The following USP20 variants were observed in gnomAD, a reference collection of about 807,000 sequenced individuals.
USP20 encodes ubiquitin carboxyl-terminal hydrolase 20.
USP20 carries 80 observed loss-of-function variants against 124.2 expected under a neutral mutation model. That is an observed-to-expected ratio of 0.64 (90% confidence interval 0.54 to 0.78). The LOEUF (loss-of-function observed/expected upper bound fraction) is 0.78. USP20 is among the 30% of genes least tolerant of loss of function. The pLI is 0.00. For synonymous variants in USP20, 481 were observed against 512.3 expected (o/e 0.94, Z 0.83); for missense variants, 1,043 against 1,244.4 (o/e 0.84, Z 2.44).
intron 3 of USP20, among the ~76,000 whole-genome samples, chr9:129,853,750 G>T (rs1221892938): frequency 6.6e-6 from 1 of 152,150 alleles, no homozygotes; most frequent in African/African-American, 2.4e-5. Flanking sequence ...TCTGGTGCTG[G>T]GTTTCTCTCC....
Position 129,875,606 on chromosome 9 carries a change from C to G in USP20, c.2265C>G (p.Ile755Met). ...ACTACATCGACGACCTGGTGGTCAT[C>G]CTGCCCCAGAACGTCTGGGAGCACC... ...KYHYIDDLVV[I>M]LPQNVWEHLY... Residue 755 changes from isoleucine (I) to methionine (M), a missense_variant, in exon 21 of 26, where the codon ATC (isoleucine) becomes ATG (methionine). Coordinates refer to ENST00000372429, the MANE Select transcript of USP20 (RefSeq NM_001110303.4). 6.2e-7 allele frequency: 1 copy of G among 1,614,090 alleles called. No homozygotes were observed.
In USP20 at chr9:129,869,363, G is replaced by T. The variant is rs36055332; in HGVS notation, c.1330G>T (p.Val444Phe). 1 of 1,613,634 alleles carries T rather than the reference G, an allele frequency of 6.2e-7. No individual in the cohort carries two copies. The highest frequency in any genetic ancestry group is 1.1e-5 in the South Asian group (1 of 91,088). The change falls in exon 13 of 26, where the codon GTC (valine) becomes TTC (phenylalanine). Residue 444 changes from valine to phenylalanine, a missense_variant. Transcript: ENST00000372429. ...GCGGAAGGAGCAGCGCTACCGCAGCGTCATCTCAGACATCTTTGACGGCTC... is the reference window on the plus strand; with the variant it reads ...GCGGAAGGAGCAGCGCTACCGCAGCTTCATCTCAGACATCTTTGACGGCTC... ...RRRKEQRYRS[V>F]ISDIFDGSIL...
chr9:129,849,496 C>T (rs1227434169), intron 1 of USP20, among the ~76,000 whole-genome samples: 2 of 152,184 alleles, frequency 1.3e-5, no homozygotes, highest in Non-Finnish European at 2.9e-5. Context: ...CAGTGGCTCA[C>T]GCCTATAATC....
At chr9:129,863,001 G>A (rs1469289501) in intron 8 of USP20, among the ~76,000 whole-genome samples, 185 bp from the exon 9 acceptor site, 1 of 152,086 alleles carries the variant, frequency 6.6e-6, no homozygotes, top group Non-Finnish European at 1.5e-5. Context: ...CTTCGCAGAT[G>A]AATTTTGGAG....
intron 8 of USP20, among the ~76,000 whole-genome samples, chr9:129,862,634 C>T (rs1476510792): frequency 6.6e-6 from 1 of 150,670 alleles, no homozygotes; most frequent in African/African-American, 2.4e-5. Context: ...GGCTGGGCAC[C>T]GTGGCTTACG....
chr9:129,880,282 G>A lies in USP20; in HGVS notation c.*9G>A, dbSNP rs1455805067. On this transcript the variant is annotated 3_prime_UTR_variant, in exon 25 of 26. Transcript: ENST00000372429. ...AGACGCGGGCCGTGTGATCTGCTGG[G>A]CTAGTCTGTAAGTCGCCCCGGCTGG... 1.3e-6 allele frequency: 2 copies of A among 1,583,646 alleles called. No individual in the cohort carries two copies. Among genetic ancestry groups the A allele is most frequent in the Non-Finnish European group, 8.6e-7 (1 of 1,167,540 alleles).
At chr9:129,861,154 G>A in intron 7 of USP20, 121 bp downstream of exon 7, 3 of 951,512 alleles carry the variant, frequency 3.2e-6, no homozygotes, top group Non-Finnish European at 4.9e-6. Flanking sequence ...GAAGGATGGG[G>A]TGACGGATAA....
At chr9:129,843,478 G>A (rs1350587564) in intron 1 of USP20, among the ~76,000 whole-genome samples, 2 of 151,994 alleles carry the variant, frequency 1.3e-5, no homozygotes, top group South Asian at 2.1e-4. Flanking sequence ...ACTCACGCCT[G>A]TAATCCCAGC....
At chr9:129,874,263 G>A (rs906814730) in intron 17 of USP20, among the ~76,000 whole-genome samples, 13 of 152,220 alleles carry the variant, frequency 8.5e-5, no homozygotes, top group African/African-American at 3.1e-4. Flanking sequence ...AGAGGAGAGG[G>A]CCCTGGCAGA....
intron 22 of USP20, 148 bp from the exon 23 acceptor site, chr9:129,878,190 G>A: frequency 1.5e-6 from 1 of 665,702 alleles, no homozygotes; most frequent in Non-Finnish European, 2.7e-6. Context: ...GAGCTTGTCT[G>A]GGGGTTTGAT....
At chr9:129,869,964 C>A in intron 14 of USP20, 120 bp downstream of exon 14, 1 of 1,264,306 alleles carries the variant, frequency 7.9e-7, no homozygotes, top group Non-Finnish European at 1.1e-6. Flanking sequence ...CTGGGAGGAG[C>A]TGGGGGCCGA....
chr9:129,879,974 C>T lies in USP20; in HGVS notation c.2585-139C>T, dbSNP rs2034570257. On this transcript the variant is annotated intron_variant, in intron 24 of 25. Coordinates refer to ENST00000372429, the MANE Select transcript of USP20 (RefSeq NM_001110303.4). This position sits in a 1 kb window ranked among gnomAD's most constrained non-coding sequence, Gnocchi z 4.2. ...CATTCCTCTGGGAAATCCTGATTTC[C>T]ATCTGACAGCTTTGCATAGAAGCCC... is the stretch of plus-strand genomic sequence containing the variant. 5.7e-6 allele frequency: 6 copies of T among 1,045,974 alleles called. No individual in the cohort carries two copies. Among genetic ancestry groups the T allele is most frequent in the Non-Finnish European group, 8.2e-6 (6 of 732,246 alleles). 64.8% of individuals were successfully genotyped at this position (1,045,974 alleles called of 1,614,324 possible). A position where few individuals can be genotyped will look rare whatever the true frequency, so the allele number is the denominator to read the frequency against.
chr9:129,864,817 G>A lies in USP20; in HGVS notation c.612-486G>A, dbSNP rs540913850. Among the ~76,000 whole-genome samples the A allele has an allele frequency of 3.4e-5, 5 of 148,704 alleles. No individual in the cohort carries two copies. The South Asian group carries it at 6.4e-4, about 19-fold the overall frequency. On this transcript the variant is annotated intron_variant, in intron 9 of 25. Transcript: ENST00000372429. The stretch of plus-strand genomic sequence containing the variant: ...ACCCAGCATGGTACAATATAATTCC[G>A]CTTGTGTAAGAAGCCAAGTTTAAAT...
At chr9:129,852,756 G>A (rs2032995291) in intron 3 of USP20, 120 bp downstream of exon 3, 2 of 1,030,370 alleles carry the variant, frequency 1.9e-6, no homozygotes, top group Non-Finnish European at 2.8e-6. Context: ...TCAGCTTTCT[G>A]TGTAAATGGA....
In USP20 at chr9:129,880,190, A is replaced by G. The variant is rs1415221075; in HGVS notation, c.2662A>G (p.Ile888Val). 6.2e-7 allele frequency: 1 copy of G among 1,613,810 alleles called. No individual in the cohort carries two copies. The highest frequency in any genetic ancestry group is 2.2e-5 in the East Asian group (1 of 44,872). The change falls in exon 25 of 26, where the codon ATC (isoleucine) becomes GTC (valine). Residue 888 changes from isoleucine (I) to valine (V), a missense_variant. Physicochemically the swap from Ile to Val is conservative, Grantham distance 29. Coordinates refer to ENST00000372429, the MANE Select transcript of USP20 (RefSeq NM_001110303.4). ...SLYGGGPEIA[I>V]RQSVAQPLGP... The stretch of plus-strand genomic sequence containing the variant: ...GTATGGAGGTGGCCCCGAGATTGCC[A>G]TCCGCCAGAGTGTGGCGCAGCCGCT...
At chr9:129,850,652 T>TTG (rs372407436) in intron 2 of USP20, among the ~76,000 whole-genome samples, 5,819 of 151,320 alleles carry the variant, frequency 0.038, 129 homozygotes, top group Middle Eastern at 0.048. Context: ...TTTTTGTTTT[T>TTG]TGTGTGTGTG....
chr9:129,843,261 C>T (rs1165067662), intron 1 of USP20, among the ~76,000 whole-genome samples: 1 of 151,960 alleles, frequency 6.6e-6, no homozygotes, highest in African/African-American at 2.4e-5. Context: ...GAAACCTCGT[C>T]TCTACTAAAA....
intron 9 of USP20, 41 bp downstream of exon 9, chr9:129,863,340 C>G: frequency 6.8e-7 from 1 of 1,467,822 alleles, no homozygotes; most frequent in Non-Finnish European, 9.3e-7. Flanking sequence ...TGTGTGGGGA[C>G]TGGGGTTTCC....
At position 129,874,822 on chromosome 9, in the gene USP20, G is replaced by A; in HGVS notation, c.1922-7G>A. 4 of 1,614,038 alleles carry A rather than the reference G, an allele frequency of 2.5e-6. No homozygotes were observed. Among genetic ancestry groups the A allele is most frequent in the Non-Finnish European group, 1.7e-6 (2 of 1,180,012 alleles). On this transcript the variant is annotated splice_region_variant and splice_polypyrimidine_tract_variant and intron_variant, in intron 18 of 25. Transcript: ENST00000372429. Reference sequence around the variant, plus strand: ...ATCCCTGTGACCCGTCTGCTCTGCCGCCGCAGGTGGGCACTACATCGCCTA... The same window carrying A: ...ATCCCTGTGACCCGTCTGCTCTGCCACCGCAGGTGGGCACTACATCGCCTA...
Sources: allele counts gnomAD v4.1 joint callset (sites outside exome capture counted in the v4.1 genomes callset), GRCh38; gene constraint gnomAD v4.1.1; non-coding constraint Gnocchi (gnomAD v3.1); transcripts MANE v1.5; gene names NCBI Gene and HGNC (gene_info 2026-07-23, HGNC 2026-07-21).